The following LRRC4C variants were observed in gnomAD, a reference collection of about 807,000 sequenced individuals.
The protein encoded by LRRC4C is leucine-rich repeat-containing protein 4C.
A neutral mutation model predicts 33.6 loss-of-function variants in LRRC4C; 5 were observed. The observed-to-expected ratio is 0.15, with a 90% CI of 0.08 to 0.31. LRRC4C has a LOEUF of 0.31. Ranked by LOEUF, LRRC4C falls within the 10% of genes least tolerant of loss-of-function variation. The pLI, the probability that LRRC4C is intolerant of heterozygous loss-of-function variation, is 1.00. For synonymous variants in LRRC4C, 329 were observed against 302.0 expected (o/e 1.09, Z -0.93); for missense variants, 560 against 796.7 (o/e 0.70, Z 3.58).
At chr11:41,313,911 A>G (rs1260485831) in intron 1 of LRRC4C, among the ~76,000 whole-genome samples, 1 of 152,170 alleles carries the variant, frequency 6.6e-6, no homozygotes. Context: ...AAATTGTCAC[A>G]GTATCCATTC....
chr11:40,367,865 T>C (rs1565319775), intron 3 of LRRC4C, among the ~76,000 whole-genome samples: 1 of 152,140 alleles, frequency 6.6e-6, no homozygotes, highest in Non-Finnish European at 1.5e-5. Flanking sequence ...TATGAGGCTA[T>C]AAGCTTTCTA....
At position 41,210,003 on chromosome 11, in the gene LRRC4C, C is replaced by T. The variant is rs139091055; in HGVS notation, c.-496+249428G>A. Among the ~76,000 whole-genome samples the T allele has an allele frequency of 3.0e-3, 450 of 152,202 alleles. 2 individuals carry two copies. Among genetic ancestry groups the T allele is most frequent in the African/African-American group, 0.01 (420 of 41,536 alleles). On this transcript the variant is annotated intron_variant, in intron 1 of 6. Transcript: ENST00000528697. ...TCTCTGCATGCACATAGAGGAAACG[C>T]CACGTGAGGATTCAGTGAGGAAGCA...
chr11:40,287,134 T>C (rs947566786), intron 4 of LRRC4C, among the ~76,000 whole-genome samples: 3 of 152,102 alleles, frequency 2.0e-5, no homozygotes, highest in Admixed American at 6.6e-5. Context: ...GAGAGGTAAG[T>C]TGAATTGTAC....
intron 1 of LRRC4C, among the ~76,000 whole-genome samples, chr11:41,220,523 C>T (rs995208079): frequency 3.8e-5 from 4 of 106,564 alleles, no homozygotes; most frequent in African/African-American, 1.4e-4. Flanking sequence ...CAATATTAAA[C>T]ACACAGACAT....
chr11:40,199,003 A>G (rs183868417), intron 5 of LRRC4C, among the ~76,000 whole-genome samples: 2 of 152,314 alleles, frequency 1.3e-5, no homozygotes, highest in East Asian at 1.9e-4. Flanking sequence ...AGCACGCCTG[A>G]CATGTTTAAA....
chr11:40,901,429 C>G (rs905863138), intron 2 of LRRC4C, among the ~76,000 whole-genome samples: 1 of 151,976 alleles, frequency 6.6e-6, no homozygotes, highest in African/African-American at 2.4e-5. Context: ...CATGAAAATT[C>G]AAATGTGATA....
At chr11:41,231,456 G>A (rs974477188) in intron 1 of LRRC4C, among the ~76,000 whole-genome samples, 8 of 151,210 alleles carry the variant, frequency 5.3e-5, no homozygotes, top group African/African-American at 2.0e-4. Flanking sequence ...ATGACTTCAT[G>A]TCCTTTGTAG....
chr11:40,749,790 A>G (rs765760430), intron 2 of LRRC4C, among the ~76,000 whole-genome samples: 1 of 152,148 alleles, frequency 6.6e-6, no homozygotes, highest in Non-Finnish European at 1.5e-5. Context: ...ATCACAACTG[A>G]TGTCAAGGAG....
intron 3 of LRRC4C, among the ~76,000 whole-genome samples, chr11:40,531,860 T>C (rs181352545): frequency 6.6e-6 from 1 of 151,562 alleles, no homozygotes; most frequent in African/African-American, 2.4e-5. Flanking sequence ...ATAAAGATAG[T>C]TTGGGCTGAG....
At chr11:40,690,514 A>T (rs2136396692) in intron 2 of LRRC4C, among the ~76,000 whole-genome samples, 1 of 152,164 alleles carries the variant, frequency 6.6e-6, no homozygotes, top group Non-Finnish European at 1.5e-5. Context: ...AAAAAACAGA[A>T]AGTCTCAGGC....
At chr11:40,308,151 TC>T (rs911064121) in intron 4 of LRRC4C, among the ~76,000 whole-genome samples, 1 of 152,062 alleles carries the variant, frequency 6.6e-6, no homozygotes, top group Non-Finnish European at 1.5e-5. Context: ...GAACCTTTTT[TC>T]CCCCCATCTC....
At chr11:41,059,497 G>A (rs923330231) in intron 1 of LRRC4C, among the ~76,000 whole-genome samples, 1 of 152,032 alleles carries the variant, frequency 6.6e-6, no homozygotes, top group Non-Finnish European at 1.5e-5. Flanking sequence ...AGACCCACTG[G>A]TTCATTGACT....
chr11:40,727,228 A>G (rs2136739127), intron 2 of LRRC4C, among the ~76,000 whole-genome samples: 1 of 152,276 alleles, frequency 6.6e-6, no homozygotes, highest in South Asian at 2.1e-4. Context: ...CACTTAGACC[A>G]ATGGAACAGA....
intron 1 of LRRC4C, among the ~76,000 whole-genome samples, chr11:41,441,550 T>C (rs538988677): frequency 3.1e-4 from 47 of 150,830 alleles, no homozygotes; most frequent in African/African-American, 1.1e-3. Flanking sequence ...GATACCCAAA[T>C]TGACTCAATC....
At chr11:40,633,132 G>A (rs1963605155) in intron 3 of LRRC4C, among the ~76,000 whole-genome samples, 1 of 152,088 alleles carries the variant, frequency 6.6e-6, no homozygotes, top group Admixed American at 6.5e-5. Flanking sequence ...ATAGACAAAT[G>A]AATACTGGAT....
chr11:40,481,427 A>G (rs943256599), intron 3 of LRRC4C, among the ~76,000 whole-genome samples: 3 of 152,170 alleles, frequency 2.0e-5, no homozygotes, highest in African/African-American at 7.2e-5. Flanking sequence ...ACACTATTTC[A>G]GTGCTTAACA....
intron 2 of LRRC4C, among the ~76,000 whole-genome samples, chr11:40,790,678 C>T (rs1483683921): frequency 5.9e-5 from 9 of 152,168 alleles, no homozygotes; most frequent in African/African-American, 2.2e-4. Context: ...CTCTGTAAAA[C>T]ATATCTTTCA....
intron 1 of LRRC4C, among the ~76,000 whole-genome samples, chr11:41,211,102 A>T (rs1432541396): frequency 6.6e-6 from 1 of 152,174 alleles, no homozygotes; most frequent in Non-Finnish European, 1.5e-5. Flanking sequence ...ATGAACCAGT[A>T]CAAGTCTGTG....
chr11:41,336,430 A>C (rs922602282), intron 1 of LRRC4C, among the ~76,000 whole-genome samples: 2 of 129,922 alleles, frequency 1.5e-5, no homozygotes, highest in Non-Finnish European at 3.4e-5. Context: ...GGAAAAAAAA[A>C]TAAAAGGTGG....
Sources: allele counts gnomAD v4.1 joint callset (sites outside exome capture counted in the v4.1 genomes callset), GRCh38; gene constraint gnomAD v4.1.1; transcripts MANE v1.5; gene names NCBI Gene and HGNC (gene_info 2026-07-23, HGNC 2026-07-21).